The following PHKG2 variants were observed in gnomAD, a reference collection of about 807,000 sequenced individuals.
PHKG2 encodes the protein phosphorylase b kinase gamma catalytic chain, liver/testis isoform.
In PHKG2, 28 loss-of-function variants were observed where a neutral mutation model predicts 44.5. The ratio of observed to expected loss-of-function variants is 0.63; its 90% confidence interval spans 0.47 to 0.86. The LOEUF (loss-of-function observed/expected upper bound fraction) is 0.86, where lower values mean the gene tolerates loss of function less well. PHKG2 is among the 40% of genes least tolerant of loss of function. The probability of loss-of-function intolerance (pLI) is 0.00; values close to 1 mark genes in which losing one functional copy is unlikely to be tolerated. For synonymous variants in PHKG2, 220 were observed against 211.2 expected (o/e 1.04, Z -0.36); for missense variants, 498 against 547.5 (o/e 0.91, Z 0.90).
Position 30,759,564 on chromosome 16 carries a change from A to G in PHKG2, c.*2467A>G. 6.2e-7 allele frequency: 1 copy of G among 1,614,112 alleles called. No homozygotes were observed. Among genetic ancestry groups the G allele is most frequent in the Non-Finnish European group, 8.5e-7 (1 of 1,179,994 alleles). On this transcript the variant is annotated 3_prime_UTR_variant, in exon 10 of 10. Coordinates refer to ENST00000563588, the MANE Select transcript of PHKG2 (RefSeq NM_000294.3). ...AAGGAGAGCCCACTGGGGTCTTCACAAGAAGATAAGGGTGATGAATGTGAG... is the reference window on the plus strand; with the variant it reads ...AAGGAGAGCCCACTGGGGTCTTCACGAGAAGATAAGGGTGATGAATGTGAG...
Position 30,760,237 on chromosome 16 carries a change from G to T in PHKG2, c.*3140G>T, listed in dbSNP as rs776341960. Reference sequence around the variant, plus strand: ...CCCATGGTCACTTGTGCCAGGCCCGGTTCCTCTTCTCCCTGGGGCTCAAAC... The same window carrying T: ...CCCATGGTCACTTGTGCCAGGCCCGTTTCCTCTTCTCCCTGGGGCTCAAAC... On this transcript the variant is annotated 3_prime_UTR_variant, in exon 10 of 10. Coordinates refer to ENST00000563588, the MANE Select transcript of PHKG2 (RefSeq NM_000294.3). 5.0e-6 allele frequency: 8 copies of T among 1,613,600 alleles called. No homozygotes were observed. Among genetic ancestry groups the T allele is most frequent in the Non-Finnish European group, 6.8e-6 (8 of 1,180,010 alleles).
Position 30,758,981 on chromosome 16 carries a change from A to G in PHKG2, c.*1884A>G. ...CTTCATTCTACACCTGCTCAGAGGG[A>G]CAGGGCAGCCTGCCCTCTCCAGATC... On this transcript the variant is annotated 3_prime_UTR_variant, in exon 10 of 10. Coordinates refer to ENST00000563588, the MANE Select transcript of PHKG2 (RefSeq NM_000294.3). 1 of 1,613,412 alleles carries G rather than the reference A, an allele frequency of 6.2e-7. No homozygotes were observed. Among genetic ancestry groups the G allele is most frequent in the Non-Finnish European group, 8.5e-7 (1 of 1,179,680 alleles).
Position 30,758,917 on chromosome 16 carries a change from T to C in PHKG2, c.*1820T>C. 1.3e-6 allele frequency: 2 copies of C among 1,539,454 alleles called. No individual in the cohort carries two copies. Among genetic ancestry groups the C allele is most frequent in the East Asian group, 2.3e-5 (1 of 44,334 alleles). ...GATCATTTAGAGAAAGGACTCTGACTAAAAACAAAAAGTCTGAAGTCCTGA... is the reference window on the plus strand; with the variant it reads ...GATCATTTAGAGAAAGGACTCTGACCAAAAACAAAAAGTCTGAAGTCCTGA... On this transcript the variant is annotated 3_prime_UTR_variant, in exon 10 of 10. Coordinates refer to ENST00000563588, the MANE Select transcript of PHKG2 (RefSeq NM_000294.3).
In PHKG2 at chr16:30,748,843, A is replaced by C. The variant is rs1596677101; in HGVS notation, c.23A>C (p.Glu8Ala). 4.5e-6 allele frequency: 7 copies of C among 1,552,740 alleles called. No homozygotes were observed. The East Asian group carries it at 1.7e-4, about 38-fold the overall frequency. MTLDVGP[E>A]DELPDWAAAK... ...AGGATGACGCTGGACGTGGGGCCGGAGGATGAGCTGCCCGACTGGGCCGCC... is the reference window on the plus strand; with the variant it reads ...AGGATGACGCTGGACGTGGGGCCGGCGGATGAGCTGCCCGACTGGGCCGCC... Residue 8 changes from glutamate to alanine, a missense_variant, in exon 2 of 10, where the codon GAG (glutamate) becomes GCG (alanine). Physicochemically the swap from Glu to Ala is moderately radical, Grantham distance 107. Coordinates refer to ENST00000563588, the MANE Select transcript of PHKG2 (RefSeq NM_000294.3).
intron 4 of PHKG2, chr16:30,752,960 A>C (rs896088496): frequency 3.9e-6 from 2 of 514,154 alleles, no homozygotes; most frequent in Non-Finnish European, 7.0e-6. Flanking sequence ...AGGCATAGTT[A>C]CTCTCAACAA....
At position 30,753,522 on chromosome 16, in the gene PHKG2, TCTC is replaced by T. The variant is rs762844937; in HGVS notation, c.524_526del (p.Ser175del). ...CAGATCCGACTTTCAGATTTCGGGT[TCTC>T]CTGCCACTTGGAACCTGGCGAGAAG... On this transcript the variant is annotated inframe_deletion, in exon 6 of 10. Transcript: ENST00000563588. 3.7e-6 allele frequency: 6 copies of T among 1,614,104 alleles called. No individual in the cohort carries two copies. The highest frequency in any genetic ancestry group is 5.1e-6 in the Non-Finnish European group (6 of 1,180,018).
Position 30,758,711 on chromosome 16 carries a change from A to G in PHKG2, c.*1614A>G. 2.6e-6 allele frequency: 1 copy of G among 388,258 alleles called. No individual in the cohort carries two copies. The highest frequency in any genetic ancestry group is 4.8e-6 in the Non-Finnish European group (1 of 208,628). 24.1% of individuals were successfully genotyped at this position (388,258 alleles called of 1,614,324 possible). A position where few individuals can be genotyped will look rare whatever the true frequency, so the allele number is the denominator to read the frequency against. On this transcript the variant is annotated 3_prime_UTR_variant, in exon 10 of 10. Transcript: ENST00000563588. ...GCTGGGACTACAAGCGCGCACCACCATGCCTGGCTATTTTTTGTATTTTAG... is the reference window on the plus strand; with the variant it reads ...GCTGGGACTACAAGCGCGCACCACCGTGCCTGGCTATTTTTTGTATTTTAG...
intron 6 of PHKG2, chr16:30,755,235 G>A (rs1163603824): frequency 5.3e-6 from 1 of 189,806 alleles, no homozygotes; most frequent in Non-Finnish European, 1.1e-5. Flanking sequence ...TAGCGACCCT[G>A]TCTCTAAAAA....
chr16:30,760,068 T>C lies in PHKG2; in HGVS notation c.*2971T>C. 1 of 1,532,216 alleles carries C rather than the reference T, an allele frequency of 6.5e-7. No individual in the cohort carries two copies. The highest frequency in any genetic ancestry group is 8.7e-7 in the Non-Finnish European group (1 of 1,145,024). The allele number at this position is 1,532,216 out of a possible 1,614,324, so 94.9% of individuals were successfully genotyped here. A position where few individuals can be genotyped will look rare whatever the true frequency, so the allele number is the denominator to read the frequency against. ...TGCACTATGCATATATTTGCATATA[T>C]TATTTCTCAGAACAGTCCTGTAAAA... On this transcript the variant is annotated 3_prime_UTR_variant, in exon 10 of 10. Transcript: ENST00000563588.
chr16:30,755,608 G>A (rs955360309), intron 6 of PHKG2, among the ~76,000 whole-genome samples: 1 of 151,960 alleles, frequency 6.6e-6, no homozygotes, highest in Admixed American at 6.6e-5. Context: ...CCCAGGAGGC[G>A]GAGGTTACAT....
chr16:30,759,503 C>T lies in PHKG2; in HGVS notation c.*2406C>T. The T allele has an allele frequency of 6.2e-7, 1 of 1,614,162 alleles. No homozygotes were observed. The highest frequency in any genetic ancestry group is 8.5e-7 in the Non-Finnish European group (1 of 1,180,038). On this transcript the variant is annotated 3_prime_UTR_variant, in exon 10 of 10. Transcript: ENST00000563588. ...TTAGAACCCTGACTACCTTCCGGAG[C>T]CCTGGCTTTGCCTCCAAAAGCCCAG...
At chr16:30,756,557 A>C in intron 8 of PHKG2, 33 bp from the exon 9 acceptor site, 1 of 1,613,144 alleles carries the variant, frequency 6.2e-7, no homozygotes, top group Non-Finnish European at 8.5e-7. Flanking sequence ...GGGAGGCCCA[A>C]GAGCTGCCCC....
At position 30,759,083 on chromosome 16, in the gene PHKG2, T is replaced by G; in HGVS notation, c.*1986T>G. The G allele has an allele frequency of 6.2e-7, 1 of 1,614,184 alleles. No individual in the cohort carries two copies. Among genetic ancestry groups the G allele is most frequent in the Non-Finnish European group, 8.5e-7 (1 of 1,180,032 alleles). On this transcript the variant is annotated 3_prime_UTR_variant, in exon 10 of 10. Coordinates refer to ENST00000563588, the MANE Select transcript of PHKG2 (RefSeq NM_000294.3). ...CGGGGTAACTGCCTGCTCCTCCATC[T>G]CCTTGCTTTCTTCTTTCTCTGCAAA...
Position 30,760,871 on chromosome 16 carries a change from G to A in PHKG2, c.*3774G>A. 1 of 623,982 alleles carries A rather than the reference G, an allele frequency of 1.6e-6. No individual in the cohort carries two copies. Among genetic ancestry groups the A allele is most frequent in the Non-Finnish European group, 2.8e-6 (1 of 354,864 alleles). 38.7% of individuals were successfully genotyped at this position (623,982 alleles called of 1,614,324 possible). A position where few individuals can be genotyped will look rare whatever the true frequency, so the allele number is the denominator to read the frequency against. On this transcript the variant is annotated 3_prime_UTR_variant, in exon 10 of 10. Transcript: ENST00000563588. ...CTCCATTTCTAAAGCCTAGGGTTAGGAATCTTGAATTCTTTTTTCTGCTCT... is the reference window on the plus strand; with the variant it reads ...CTCCATTTCTAAAGCCTAGGGTTAGAAATCTTGAATTCTTTTTTCTGCTCT...
intron 2 of PHKG2, 86 bp from the exon 3 acceptor site, chr16:30,751,020 A>T: frequency 7.2e-7 from 1 of 1,391,324 alleles, no homozygotes; most frequent in Non-Finnish European, 1.0e-6. Context: ...AGTCTGGCAC[A>T]GCGGGCATGA....
rs1431694716 is a variant in PHKG2 at position 30,749,105 on chromosome 16, GC to G, written c.95+191del. On this transcript the variant is annotated intron_variant, in intron 2 of 9. Transcript: ENST00000563588. ...TGGTGGTGGTGCTGCTGCTGCTGCT[GC>G]TGCTGGTGGTGCTGGTGCTGGTGGT... Among the ~76,000 whole-genome samples, 39 of 39,536 alleles carry G rather than the reference GC, an allele frequency of 9.9e-4. 17 individuals are homozygous for G. The highest frequency in any genetic ancestry group is 4.1e-3 in the East Asian group (4 of 980). 25.9% of individuals were successfully genotyped at this position (39,536 alleles called of 152,430 possible).
chr16:30,749,112 G>GTGC lies in PHKG2; in HGVS notation c.95+199_95+200insCTG, dbSNP rs1435726492. On this transcript the variant is annotated intron_variant, in intron 2 of 9. Transcript: ENST00000563588. ...GGTGCTGCTGCTGCTGCTGCTGCTG[G>GTGC]TGGTGCTGGTGCTGGTGGTGGTGGT... Among the ~76,000 whole-genome samples, 8 of 44,832 alleles carry GTGC rather than the reference G, an allele frequency of 1.8e-4. 1 individual carries two copies. Among genetic ancestry groups the GTGC allele is most frequent in the Admixed American group, 8.5e-4 (3 of 3,526 alleles). 29.4% of individuals were successfully genotyped at this position (44,832 alleles called of 152,430 possible).
chr16:30,756,101 A>T, intron 6 of PHKG2, 81 bp from the exon 7 acceptor site: 2 of 1,036,626 alleles, frequency 1.9e-6, no homozygotes, highest in Non-Finnish European at 3.1e-6. Flanking sequence ...GGCAGCGTTG[A>T]GGAGGCTCCA....
intron 4 of PHKG2, 90 bp downstream of exon 4, chr16:30,751,693 T>A: frequency 9.6e-7 from 1 of 1,043,346 alleles, no homozygotes; most frequent in Non-Finnish European, 1.5e-6. Context: ...GGACCCATCC[T>A]GCTCACACCT....
Sources: allele counts gnomAD v4.1 joint callset (sites outside exome capture counted in the v4.1 genomes callset), GRCh38; gene constraint gnomAD v4.1.1; transcripts MANE v1.5; gene names NCBI Gene and HGNC (gene_info 2026-07-23, HGNC 2026-07-21).